Variants in DGKB observed in about 807,000 individuals in gnomAD.
DGKB encodes diacylglycerol kinase beta.
Under a neutral mutation model 114.3 loss-of-function variants are expected in DGKB, and 67 were observed. That is an observed-to-expected ratio of 0.59 (90% CI 0.48 to 0.72). DGKB has a LOEUF of 0.72. DGKB is among the 30% of genes least tolerant of loss of function. DGKB has a pLI of 0.00. For synonymous variants in DGKB, 398 were observed against 323.1 expected (o/e 1.23, Z -2.49); for missense variants, 907 against 975.2 (o/e 0.93, Z 0.93).
intron 9 of DGKB, among the ~76,000 whole-genome samples, chr7:14,687,511 A>G (rs1236206245): frequency 6.6e-6 from 1 of 152,136 alleles, no homozygotes; most frequent in Non-Finnish European, 1.5e-5. Flanking sequence ...ACGTGAATAG[A>G]ATACTTTATA....
At chr7:14,562,065 C>T (rs1176216060) in intron 20 of DGKB, among the ~76,000 whole-genome samples, 1 of 152,222 alleles carries the variant, frequency 6.6e-6, no homozygotes, top group Non-Finnish European at 1.5e-5. Flanking sequence ...GTCTCAGCTA[C>T]TCCAGCTGTG....
At chr7:14,466,938 G>A (rs1780566537) in intron 21 of DGKB, among the ~76,000 whole-genome samples, 1 of 152,026 alleles carries the variant, frequency 6.6e-6, no homozygotes, top group African/African-American at 2.4e-5. Context: ...TCCTATCTAG[G>A]GAGTGATGTG....
In DGKB at chr7:14,574,308, CA is replaced by C; in HGVS notation, c.1673del (p.Leu558TrpfsTer44). 6.2e-7 allele frequency: 1 copy of C among 1,613,122 alleles called. No homozygotes were observed. Among genetic ancestry groups the C allele is most frequent in the Non-Finnish European group, 8.5e-7 (1 of 1,179,474 alleles). ...KDIENSTEIM[L>X]DRWKFEVIPN... ...GTATGACTTCAAACTTCCACCTGTCCAACATGATTTCTGTGCTGTTTTCAAT... is the reference window on the plus strand; with the variant it reads ...GTATGACTTCAAACTTCCACCTGTCCACATGATTTCTGTGCTGTTTTCAAT... On this transcript the variant is annotated frameshift_variant, in exon 20 of 26. Transcript: ENST00000402815. LOFTEE classifies it high-confidence loss of function.
At chr7:14,491,829 T>A (rs1784640341) in intron 20 of DGKB, among the ~76,000 whole-genome samples, 1 of 152,046 alleles carries the variant, frequency 6.6e-6, no homozygotes, top group African/African-American at 2.4e-5. Flanking sequence ...GTAATCATAG[T>A]AATTAAAGAG....
At chr7:14,560,305 G>T (rs1796465753) in intron 20 of DGKB, among the ~76,000 whole-genome samples, 1 of 152,074 alleles carries the variant, frequency 6.6e-6, no homozygotes, top group South Asian at 2.1e-4. Context: ...TATCACTAGA[G>T]TTTATCCCTC....
intron 1 of DGKB, among the ~76,000 whole-genome samples, chr7:14,952,645 A>G (rs1786271499): frequency 6.6e-6 from 1 of 151,980 alleles, no homozygotes; most frequent in Non-Finnish European, 1.5e-5. Context: ...AATGCCAGCT[A>G]CTCAGGAGGC....
chr7:14,915,980 CATA>C (rs1784219985), intron 1 of DGKB, among the ~76,000 whole-genome samples: 1 of 151,912 alleles, frequency 6.6e-6, no homozygotes, highest in African/African-American at 2.4e-5. Flanking sequence ...AACTATTCAA[CATA>C]ATAAGAATAA....
chr7:14,500,081 A>G (rs2128951952), intron 20 of DGKB, among the ~76,000 whole-genome samples: 1 of 151,996 alleles, frequency 6.6e-6, no homozygotes, highest in African/African-American at 2.4e-5. Context: ...CTTTTTCAAT[A>G]CTTTACATAT....
intron 23 of DGKB, among the ~76,000 whole-genome samples, chr7:14,265,089 C>T (rs1797294357): frequency 6.6e-6 from 1 of 151,646 alleles, no homozygotes; most frequent in South Asian, 2.1e-4. Flanking sequence ...CCCCGCCCCA[C>T]CCAAATTTAT....
chr7:14,893,091 T>C (rs1781543129), intron 1 of DGKB, among the ~76,000 whole-genome samples: 2 of 151,234 alleles, frequency 1.3e-5, no homozygotes, highest in Admixed American at 1.3e-4. Context: ...TCTATTATTC[T>C]CCAGAAACAG....
chr7:14,826,448 G>C (rs1845717680), intron 2 of DGKB, among the ~76,000 whole-genome samples: 1 of 152,058 alleles, frequency 6.6e-6, no homozygotes, highest in Admixed American at 6.6e-5. Flanking sequence ...TGAACTTAAA[G>C]CAGAATGGGG....
In DGKB at chr7:14,706,248, T is replaced by G. The variant is rs1228627390; in HGVS notation, c.467-4518A>C. Among the ~76,000 whole-genome samples, 19 of 146,356 alleles carry G rather than the reference T, an allele frequency of 1.3e-4. No homozygotes were observed. In the Admixed American group the frequency reaches 1.3e-3, roughly 10 times the overall value. On this transcript the variant is annotated intron_variant, in intron 6 of 25. Transcript: ENST00000402815. ...CATTACATAATGGTAAAGGGATCAA[T>G]TCAACAAGAAGAGCTAACTATCCTA...
At chr7:14,433,754 G>C (rs575616860) in intron 21 of DGKB, among the ~76,000 whole-genome samples, 1 of 152,072 alleles carries the variant, frequency 6.6e-6, no homozygotes, top group Admixed American at 6.6e-5. Context: ...AAAACGTTTG[G>C]GACTGGAAGT....
rs376030973 is a variant in DGKB at position 14,926,787 on chromosome 7, G to A, written c.-188+47909C>T. Among the ~76,000 whole-genome samples the A allele has an allele frequency of 3.3e-5, 5 of 151,830 alleles. No individual in the cohort carries two copies. The East Asian group carries it at 5.8e-4, about 18-fold the overall frequency. ...TTAATTATTTCTTCTAGCTCTTGTT[G>A]GTAGTGCCTGCTTTCTTTTTTTGTG... On this transcript the variant is annotated intron_variant, in intron 1 of 4. Coordinates refer to the DGKB transcript ENST00000437998.
intron 23 of DGKB, among the ~76,000 whole-genome samples, chr7:14,320,129 C>T (rs1474654216): frequency 1.3e-5 from 2 of 152,142 alleles, no homozygotes; most frequent in Non-Finnish European, 2.9e-5. Context: ...GACATTTGGT[C>T]CTAAGAGTCA....
chr7:14,647,708 A>T (rs1813358720), intron 13 of DGKB, among the ~76,000 whole-genome samples: 1 of 152,178 alleles, frequency 6.6e-6, no homozygotes, highest in Non-Finnish European at 1.5e-5. Flanking sequence ...AAGACGGGTG[A>T]TTTCTGCATT....
intron 13 of DGKB, among the ~76,000 whole-genome samples, chr7:14,670,283 CTA>C (rs35058432): frequency 0.071 from 10,329 of 146,408 alleles, 634 homozygotes; most frequent in African/African-American, 0.17. Flanking sequence ...GTATGTTATA[CTA>C]TATATATATA....
chr7:14,644,695 T>C (rs577557170), intron 13 of DGKB, among the ~76,000 whole-genome samples: 2 of 152,316 alleles, frequency 1.3e-5, no homozygotes, highest in African/African-American at 2.4e-5. Flanking sequence ...AGAAACTCTA[T>C]GTACATACAG....
intron 23 of DGKB, among the ~76,000 whole-genome samples, chr7:14,296,956 A>G (rs1326147488): frequency 1.3e-5 from 2 of 152,162 alleles, no homozygotes; most frequent in Non-Finnish European, 2.9e-5. Flanking sequence ...GAAAAACTAG[A>G]AGAAATGGAT....
Sources: gnomAD v4.1 joint callset for allele counts (sites outside exome capture counted in the v4.1 genomes callset) on GRCh38, gnomAD v4.1.1 for gene constraint, MANE v1.5 for transcripts, NCBI Gene and HGNC (gene_info 2026-07-23, HGNC 2026-07-21) for gene names.